Variants in CCDC152 observed in about 807,000 individuals in gnomAD.
CCDC152 encodes the protein coiled-coil domain containing 152.
In CCDC152, 37 loss-of-function variants were observed where a neutral mutation model predicts 38.1. That is an observed-to-expected ratio of 0.97 (90% CI 0.75 to 1.28). The LOEUF is 1.28. Among genes scored for constraint, CCDC152 ranks in the 50% most tolerant of loss-of-function variants. The pLI, the probability that CCDC152 is intolerant of heterozygous loss-of-function variation, is 0.00. For missense variants in CCDC152, 259 were observed against 292.1 expected (o/e 0.89, Z 0.83); for synonymous variants, 83 against 87.1 (o/e 0.95, Z 0.26).
In CCDC152 at chr5:42,802,005, G is replaced by T. The variant is rs1217996471; in HGVS notation, c.*2224G>T. The T allele has an allele frequency of 2.6e-5, 4 of 152,118 alleles. No individual in the cohort carries two copies. Among genetic ancestry groups the T allele is most frequent in the African/African-American group, 9.7e-5 (4 of 41,412 alleles). 9.4% of individuals were successfully genotyped at this position (152,118 alleles called of 1,614,324 possible). Reference sequence around the variant, plus strand: ...CGGTGCATCTTATCTAATACTATATGATACTGTAATCTAATATTATCTCTG... The same window carrying T: ...CGGTGCATCTTATCTAATACTATATTATACTGTAATCTAATATTATCTCTG... On this transcript the variant is annotated 3_prime_UTR_variant, in exon 9 of 9. Transcript: ENST00000361970.
Position 42,758,659 on chromosome 5 carries a change from T to C in CCDC152, c.-2-461T>C, listed in dbSNP as rs553222870. ...GCTATCCCCAAAGGTTAATCCCTTA[T>C]ACAAAATTACAAGACAATAGAAATG... On this transcript the variant is annotated intron_variant, in intron 1 of 8. Transcript: ENST00000361970. 9.2e-5 allele frequency among the ~76,000 whole-genome samples: 14 copies of C among 152,318 alleles called. No homozygotes were observed. The East Asian group carries it at 2.7e-3, about 29-fold the overall frequency.
rs758207933 is a variant in CCDC152 at position 42,800,946 on chromosome 5, A to G, written c.*1165A>G. ...TGCAGACCCTGTTTTTTCAAATATCAGATGTCGACAATGGCAGCATCAGCT... is the reference window on the plus strand; with the variant it reads ...TGCAGACCCTGTTTTTTCAAATATCGGATGTCGACAATGGCAGCATCAGCT... On this transcript the variant is annotated 3_prime_UTR_variant, in exon 9 of 9. Transcript: ENST00000361970. The G allele has an allele frequency of 6.2e-7, 1 of 1,614,230 alleles. No homozygotes were observed. Among genetic ancestry groups the G allele is most frequent in the Admixed American group, 1.7e-5 (1 of 60,032 alleles).
At chr5:42,786,866 A>G (rs1759927316) in intron 6 of CCDC152, among the ~76,000 whole-genome samples, 1 of 151,978 alleles carries the variant, frequency 6.6e-6, no homozygotes, top group African/African-American at 2.4e-5. Flanking sequence ...TTGTTTCAAA[A>G]TAAGTTTTCA....
chr5:42,780,688 G>A (rs896575086), intron 5 of CCDC152, among the ~76,000 whole-genome samples: 9 of 152,146 alleles, frequency 5.9e-5, no homozygotes, highest in African/African-American at 9.7e-5. Flanking sequence ...CTATGACAAC[G>A]CAGATTTGCT....
rs2910865 is a variant in CCDC152 at position 42,763,418 on chromosome 5, A to G, written c.193+870A>G. ...TATTTTGCCCTCGAGGAGGAAGAGC[A>G]TGGCTCCACACTCATTAATCGTGGG... On this transcript the variant is annotated intron_variant, in intron 3 of 8. Coordinates refer to ENST00000361970, the MANE Select transcript of CCDC152 (RefSeq NM_001134848.2). 2.1e-3 allele frequency among the ~76,000 whole-genome samples: 319 copies of G among 152,302 alleles called. 2 individuals are homozygous for G. Among genetic ancestry groups the G allele is most frequent in the African/African-American group, 7.2e-3 (301 of 41,576 alleles).
chr5:42,784,657 G>C (rs1759895439), intron 6 of CCDC152, among the ~76,000 whole-genome samples: 1 of 152,058 alleles, frequency 6.6e-6, no homozygotes. Flanking sequence ...TGAGGTCTTA[G>C]TCATAAATTC....
intron 7 of CCDC152, among the ~76,000 whole-genome samples, chr5:42,797,724 A>G (rs913102825): frequency 6.6e-6 from 1 of 152,182 alleles, no homozygotes; most frequent in Non-Finnish European, 1.5e-5. Flanking sequence ...TTAAAAAAAC[A>G]AATTTCTTCC....
intron 4 of CCDC152, among the ~76,000 whole-genome samples, chr5:42,773,879 A>G (rs182202723): frequency 3.6e-4 from 55 of 152,356 alleles, no homozygotes; most frequent in African/African-American, 1.2e-3. Context: ...CCATTAAGCA[A>G]CTTCAGGGCT....
chr5:42,769,472 G>A (rs1759669304), intron 3 of CCDC152, 125 bp from the exon 4 acceptor site: 1 of 1,124,564 alleles, frequency 8.9e-7, no homozygotes, highest in Non-Finnish European at 1.2e-6. Context: ...TGAGTCAATA[G>A]GACTACAAGG....
chr5:42,765,797 A>C (rs754590380), intron 3 of CCDC152, among the ~76,000 whole-genome samples: 4 of 152,196 alleles, frequency 2.6e-5, no homozygotes, highest in African/African-American at 4.8e-5. Flanking sequence ...AAGACTTCAA[A>C]CTATGAAACT....
chr5:42,781,899 A>G (rs1759852038), intron 5 of CCDC152, among the ~76,000 whole-genome samples: 1 of 152,096 alleles, frequency 6.6e-6, no homozygotes. Context: ...TCTCTTGCCT[A>G]CATTTTAGGC....
At chr5:42,788,576 C>T (rs1439949598) in intron 6 of CCDC152, among the ~76,000 whole-genome samples, 2 of 151,994 alleles carry the variant, frequency 1.3e-5, no homozygotes, top group Admixed American at 6.5e-5. Flanking sequence ...CTGTATGTCT[C>T]TGGGATAGTA....
rs1388961105 is a variant in CCDC152 at position 42,779,420 on chromosome 5, G to T, written c.263-38G>T. On this transcript the variant is annotated intron_variant, in intron 4 of 8. Transcript: ENST00000361970. ...CATATTTTCATATTAATTGAAAAGT[G>T]CTATATATTATGATGTTCTTTGATT... 3.5e-6 allele frequency: 4 copies of T among 1,142,628 alleles called. No homozygotes were observed. In the East Asian group the frequency reaches 1.0e-4, roughly 29 times the overall value. The allele number at this position is 1,142,628 out of a possible 1,614,324, so 70.8% of individuals were successfully genotyped here.
In CCDC152 at chr5:42,777,034, T is replaced by TA. The variant is rs1054616192; in HGVS notation, c.263-2416dup. Among the ~76,000 whole-genome samples, 183 of 151,038 alleles carry TA rather than the reference T, an allele frequency of 1.2e-3. 2 individuals carry two copies. Among genetic ancestry groups the TA allele is most frequent in the Non-Finnish European group, 6.5e-4 (44 of 67,694 alleles). ...GAGAACAAATTAAATCCAAAATAAG[T>TA]AAAAAAAAGAAATAACAAAAATAAA... On this transcript the variant is annotated intron_variant, in intron 4 of 8. Transcript: ENST00000361970.
chr5:42,768,726 C>T (rs973877692), intron 3 of CCDC152, among the ~76,000 whole-genome samples: 7 of 152,140 alleles, frequency 4.6e-5, no homozygotes, highest in African/African-American at 1.4e-4. Flanking sequence ...ACAATTGTAC[C>T]ACACATTGTC....
rs1238039663 is a variant in CCDC152 at position 42,802,281 on chromosome 5, A to G, written c.*2500A>G. 6.6e-6 allele frequency: 1 copy of G among 152,216 alleles called. No individual in the cohort carries two copies. Among genetic ancestry groups the G allele is most frequent in the East Asian group, 1.9e-4 (1 of 5,200 alleles). 9.4% of individuals were successfully genotyped at this position (152,216 alleles called of 1,614,324 possible). On this transcript the variant is annotated 3_prime_UTR_variant, in exon 9 of 9. Coordinates refer to ENST00000361970, the MANE Select transcript of CCDC152 (RefSeq NM_001134848.2). Reference sequence around the variant, plus strand: ...CCTACTAATCAGAGACTCAAAGCCTATAGATACAGAAATGTAACAGTAAAT... The same window carrying G: ...CCTACTAATCAGAGACTCAAAGCCTGTAGATACAGAAATGTAACAGTAAAT...
At chr5:42,776,713 C>T (rs1050005910) in intron 4 of CCDC152, among the ~76,000 whole-genome samples, 1 of 152,140 alleles carries the variant, frequency 6.6e-6, no homozygotes, top group African/African-American at 2.4e-5. Context: ...CATACAATGT[C>T]TGCTGTCAGG....
chr5:42,801,020 TATAC>T lies in CCDC152; in HGVS notation c.*1242_*1245del, dbSNP rs770939280. ...TGGGCAATTTACAGAGTAATTGATT[TATAC>T]ATCTCTTTCGACAGAGCTTCTTTTG... On this transcript the variant is annotated 3_prime_UTR_variant, in exon 9 of 9. Coordinates refer to ENST00000361970, the MANE Select transcript of CCDC152 (RefSeq NM_001134848.2). 92 of 1,614,124 alleles carry T rather than the reference TATAC, an allele frequency of 5.7e-5. No homozygotes were observed. The highest frequency in any genetic ancestry group is 7.5e-5 in the Non-Finnish European group (89 of 1,180,048).
chr5:42,772,712 A>T (rs1278126713), intron 4 of CCDC152, among the ~76,000 whole-genome samples: 1 of 152,204 alleles, frequency 6.6e-6, no homozygotes, highest in African/African-American at 2.4e-5. Flanking sequence ...CTTGCAAATA[A>T]ATGATGACTC....
Sources: allele counts gnomAD v4.1 joint callset (sites outside exome capture counted in the v4.1 genomes callset), GRCh38; gene constraint gnomAD v4.1.1; transcripts MANE v1.5; gene names NCBI Gene and HGNC (gene_info 2026-07-23, HGNC 2026-07-21).